The following LPGAT1 variants were observed in gnomAD, a reference collection of about 807,000 sequenced individuals.
LPGAT1 encodes the protein lysophosphatidylglycerol acyltransferase 1, also known as acyl-CoA:lysophosphatidylglycerol acyltransferase 1.
LPGAT1 carries 11 observed loss-of-function variants against 47.5 expected under a neutral mutation model. The observed-to-expected ratio is 0.23, with a 90% CI of 0.15 to 0.38. The LOEUF (loss-of-function observed/expected upper bound fraction) is 0.38. LPGAT1 is among the 10% of genes least tolerant of loss of function. The pLI is 1.00. For missense variants in LPGAT1, 293 were observed against 439.0 expected (o/e 0.67, Z 2.97); for synonymous variants, 138 against 144.2 (o/e 0.96, Z 0.31).
intron 2 of LPGAT1, among the ~76,000 whole-genome samples, chr1:211,795,230 C>G (rs1659300078): frequency 6.6e-6 from 1 of 152,038 alleles, no homozygotes; most frequent in Non-Finnish European, 1.5e-5. Flanking sequence ...GGGAGACTAC[C>G]TAAATAAATT....
At chr1:211,787,799 C>A (rs1174312622) in intron 3 of LPGAT1, 72 bp from the exon 4 acceptor site, 3 of 860,474 alleles carry the variant, frequency 3.5e-6, no homozygotes, top group African/African-American at 3.4e-5. Context: ...AGTCTCCAAG[C>A]TTTAAATATA....
At chr1:211,800,920 G>A (rs1659549067) in intron 2 of LPGAT1, among the ~76,000 whole-genome samples, 1 of 152,134 alleles carries the variant, frequency 6.6e-6, no homozygotes, top group South Asian at 2.1e-4. Flanking sequence ...CAAGAGTTTG[G>A]AACAATCTCC....
chr1:211,750,303 T>A (rs955359130), intron 7 of LPGAT1, among the ~76,000 whole-genome samples: 1 of 152,226 alleles, frequency 6.6e-6, no homozygotes, highest in African/African-American at 2.4e-5. Context: ...CTCATGTGCA[T>A]CCTTTCCATA....
intron 2 of LPGAT1, among the ~76,000 whole-genome samples, chr1:211,796,946 T>C (rs1431029625): frequency 6.6e-6 from 1 of 152,128 alleles, no homozygotes; most frequent in Non-Finnish European, 1.5e-5. Context: ...AAGACTCACA[T>C]AGCATGCTGA....
chr1:211,777,256 C>G (rs1658441795), intron 6 of LPGAT1, among the ~76,000 whole-genome samples: 1 of 152,188 alleles, frequency 6.6e-6, no homozygotes, highest in Non-Finnish European at 1.5e-5. Context: ...CAGTACTATC[C>G]TGACACCAGG....
rs145798518 is a variant in LPGAT1 at position 211,789,132 on chromosome 1, T to C, written c.358-1405A>G. Among the ~76,000 whole-genome samples the C allele has an allele frequency of 4.5e-3, 688 of 152,352 alleles. 5 individuals carry two copies. Among genetic ancestry groups the C allele is most frequent in the South Asian group, 0.029 (142 of 4,824 alleles). On this transcript the variant is annotated intron_variant, in intron 3 of 7. Transcript: ENST00000366997. ...GTAAGATAATCACCAGCATCCCATC[T>C]TGTTTTGCTTTGCAATGATGATTAC...
chr1:211,766,367 A>G (rs1262050521), intron 6 of LPGAT1, among the ~76,000 whole-genome samples: 2 of 152,208 alleles, frequency 1.3e-5, no homozygotes, highest in Admixed American at 1.3e-4. Context: ...ATCTTTATAC[A>G]GATGATCCTT....
chr1:211,793,513 A>T (rs1185625118), intron 2 of LPGAT1, among the ~76,000 whole-genome samples: 1 of 151,596 alleles, frequency 6.6e-6, no homozygotes, highest in East Asian at 1.9e-4. Flanking sequence ...GCTCACTGCA[A>T]CCTCTACCTC....
rs1657068051 is a variant in LPGAT1, at chr1:211,749,195, T to C, written c.*704A>G. ...AAGTGCATTTTGCAAAATTATCAAT[T>C]TATGATATGCCTCTGATACAAAATG... On this transcript the variant is annotated 3_prime_UTR_variant, in exon 8 of 8. Transcript: ENST00000366997. The C allele has an allele frequency of 1.3e-5, 2 of 152,694 alleles. No individual in the cohort carries two copies. The highest frequency in any genetic ancestry group is 4.8e-5 in the African/African-American group (2 of 41,458). 9.5% of individuals were successfully genotyped at this position (152,694 alleles called of 1,614,324 possible).
chr1:211,825,410 T>G (rs1209061484), intron 2 of LPGAT1, among the ~76,000 whole-genome samples: 18 of 151,914 alleles, frequency 1.2e-4, no homozygotes, highest in Admixed American at 1.2e-3. Context: ...AATAAGTAAA[T>G]GAAAATAAAA....
intron 2 of LPGAT1, among the ~76,000 whole-genome samples, chr1:211,822,670 C>T (rs530216135): frequency 6.6e-6 from 1 of 151,804 alleles, no homozygotes; most frequent in African/African-American, 2.4e-5. Flanking sequence ...CCCAGCTACT[C>T]GGGAGGCTGA....
At chr1:211,762,203 A>G (rs1461904331) in intron 6 of LPGAT1, among the ~76,000 whole-genome samples, 1 of 152,234 alleles carries the variant, frequency 6.6e-6, no homozygotes, top group African/African-American at 2.4e-5. Flanking sequence ...AATTGACATT[A>G]AAAATAAAGC....
intron 5 of LPGAT1, among the ~76,000 whole-genome samples, chr1:211,779,411 A>C (rs558955541): frequency 1.2e-4 from 18 of 152,034 alleles, no homozygotes; most frequent in African/African-American, 4.3e-4. Flanking sequence ...ACAGACTTCG[A>C]AACAAAACAA....
At chr1:211,790,327 C>T (rs944374394) in intron 3 of LPGAT1, among the ~76,000 whole-genome samples, 10 of 152,138 alleles carry the variant, frequency 6.6e-5, no homozygotes, top group Non-Finnish European at 1.5e-4. Flanking sequence ...AGTACTCCCA[C>T]TGAGAAACTA....
chr1:211,827,236 A>G (rs1279251463), intron 2 of LPGAT1, among the ~76,000 whole-genome samples: 3 of 152,228 alleles, frequency 2.0e-5, no homozygotes, highest in Non-Finnish European at 4.4e-5. Context: ...GATGCTTCAG[A>G]GAGACTAAAA....
Position 211,747,599 on chromosome 1 carries a change from T to C in LPGAT1, c.*2300A>G, listed in dbSNP as rs961720955. ...GGTCACTCTACCCTGTGGCTTGCTG[T>C]AGCAATGAGGAAAAGGTCTATCAGC... On this transcript the variant is annotated 3_prime_UTR_variant, in exon 8 of 8. Coordinates refer to ENST00000366997, the MANE Select transcript of LPGAT1 (RefSeq NM_014873.3). 2.0e-5 allele frequency: 3 copies of C among 152,214 alleles called. No homozygotes were observed. The highest frequency in any genetic ancestry group is 1.3e-4 in the Admixed American group (2 of 15,280). 9.4% of individuals were successfully genotyped at this position (152,214 alleles called of 1,614,324 possible). A position where few individuals can be genotyped will look rare whatever the true frequency, so the allele number is the denominator to read the frequency against.
chr1:211,797,037 C>T (rs1659378917), intron 2 of LPGAT1, among the ~76,000 whole-genome samples: 1 of 152,116 alleles, frequency 6.6e-6, no homozygotes, highest in East Asian at 1.9e-4. Flanking sequence ...GGGTGGATCA[C>T]TTGAGGTCAG....
chr1:211,824,379 G>A (rs185629976), intron 2 of LPGAT1, among the ~76,000 whole-genome samples: 1 of 152,272 alleles, frequency 6.6e-6, no homozygotes, highest in Admixed American at 6.5e-5. Flanking sequence ...CTGGGCAATA[G>A]AGTGAGACTG....
Position 211,830,543 on chromosome 1 carries a change from G to A in LPGAT1, c.-28+30C>T, listed in dbSNP as rs1278661735. ...CCTGGCCCGGCTCCGCTGCCGCTCT[G>A]GGGCCTGCGACCGCGGAGCCGGAGG... On this transcript the variant is annotated intron_variant, in intron 1 of 7. Coordinates refer to ENST00000366997, the MANE Select transcript of LPGAT1 (RefSeq NM_014873.3). This position sits in a 1 kb window ranked among gnomAD's most constrained non-coding sequence, Gnocchi z 5.9. 3 of 1,202,162 alleles carry A rather than the reference G, an allele frequency of 2.5e-6. No homozygotes were observed. The highest frequency in any genetic ancestry group is 3.4e-5 in the East Asian group (1 of 29,190). 74.5% of individuals were successfully genotyped at this position (1,202,162 alleles called of 1,614,324 possible).
Sources: allele counts gnomAD v4.1 joint callset (sites outside exome capture counted in the v4.1 genomes callset), GRCh38; gene constraint gnomAD v4.1.1; non-coding constraint Gnocchi (gnomAD v3.1); transcripts MANE v1.5; gene names NCBI Gene and HGNC (gene_info 2026-07-23, HGNC 2026-07-21).